The following SCN3A variants were observed in gnomAD, a reference collection of about 807,000 sequenced individuals.
SCN3A encodes the protein sodium voltage-gated channel alpha subunit 3.
A neutral mutation model predicts 187.6 loss-of-function variants in SCN3A; 60 were observed. The observed-to-expected ratio is 0.32, with a 90% CI of 0.26 to 0.40. The LOEUF (loss-of-function observed/expected upper bound fraction) is 0.40. SCN3A is among the 10% of genes least tolerant of loss of function. The probability of loss-of-function intolerance (pLI) is 1.00; values close to 1 mark genes in which losing one functional copy is unlikely to be tolerated. For synonymous variants in SCN3A, 788 were observed against 829.2 expected (o/e 0.95, Z 0.85); for missense variants, 1,601 against 2,428.2 (o/e 0.66, Z 7.16).
chr2:165,134,049 C>G (rs1259295757), intron 15 of SCN3A, among the ~76,000 whole-genome samples: 2 of 151,808 alleles, frequency 1.3e-5, no homozygotes, highest in Non-Finnish European at 2.9e-5. Flanking sequence ...GGATGTATGC[C>G]TCAGAATTAA....
Position 165,159,535 on chromosome 2 carries a change from T to G in SCN3A, c.1031+2773A>C, listed in dbSNP as rs1406133316. ...CCATGCCTGGCTAATTTTTTTATTTTTATTTTTTGGAGAAACAGTGTCTCC... is the reference window on the plus strand; with the variant it reads ...CCATGCCTGGCTAATTTTTTTATTTGTATTTTTTGGAGAAACAGTGTCTCC... On this transcript the variant is annotated intron_variant, in intron 9 of 27. Coordinates refer to ENST00000283254, the MANE Select transcript of SCN3A (RefSeq NM_006922.4). Among the ~76,000 whole-genome samples, 2 of 135,798 alleles carry G rather than the reference T, an allele frequency of 1.5e-5. 1 individual carries two copies. Among genetic ancestry groups the G allele is most frequent in the Non-Finnish European group, 3.0e-5 (2 of 66,336 alleles). 89.1% of individuals were successfully genotyped at this position (135,798 alleles called of 152,430 possible).
chr2:165,142,635 TC>T (rs1471307542), intron 12 of SCN3A, among the ~76,000 whole-genome samples: 4 of 152,132 alleles, frequency 2.6e-5, no homozygotes, highest in African/African-American at 9.7e-5. Context: ...CATCAATTCA[TC>T]CCCCCATTAA....
At position 165,168,599 on chromosome 2, in the gene SCN3A, C is replaced by CT; in HGVS notation, c.473+136_473+137insA. The CT allele has an allele frequency of 5.6e-6, 4 of 708,690 alleles. No homozygotes were observed. In the Admixed American group the frequency reaches 8.3e-5, roughly 15 times the overall value. The allele number at this position is 708,690 out of a possible 1,614,324, so 43.9% of individuals were successfully genotyped here. A position where few individuals can be genotyped will look rare whatever the true frequency, so the allele number is the denominator to read the frequency against. Reference sequence around the variant, plus strand: ...GAAGAATAGCTCCCCCAAAGAACTTCCCTTATCTTCTTTCATATTATGAAA... The same window carrying CT: ...GAAGAATAGCTCCCCCAAAGAACTTCTCCTTATCTTCTTTCATATTATGAAA... On this transcript the variant is annotated intron_variant, in intron 5 of 27. Transcript: ENST00000283254.
At chr2:165,154,423 GA>G (rs1688889845) in intron 11 of SCN3A, 28 bp downstream of exon 11, 1 of 1,605,374 alleles carries the variant, frequency 6.2e-7, no homozygotes, top group Non-Finnish European at 8.5e-7. Flanking sequence ...TAATAATAAT[GA>G]TAAATCTTTG....
intron 10 of SCN3A, 54 bp from the exon 11 acceptor site, chr2:165,154,712 A>C (rs541196446): frequency 6.7e-7 from 1 of 1,488,988 alleles, no homozygotes; most frequent in East Asian, 2.3e-5. Context: ...GTCCCCAAAT[A>C]AATATCTGAT....
intron 2 of SCN3A, among the ~76,000 whole-genome samples, chr2:165,180,836 T>C (rs1188626328): frequency 6.6e-6 from 1 of 152,086 alleles, no homozygotes; most frequent in Admixed American, 6.6e-5. Flanking sequence ...CAGGGAGTGA[T>C]CCTAGAGCAG....
chr2:165,111,227 C>T (rs1331553663), intron 21 of SCN3A, among the ~76,000 whole-genome samples: 1 of 151,902 alleles, frequency 6.6e-6, no homozygotes, highest in African/African-American at 2.4e-5. Context: ...CCCAGCTACT[C>T]GAGAGGCTGA....
chr2:165,185,625 C>A (rs1454415909), intron 2 of SCN3A, among the ~76,000 whole-genome samples: 1 of 152,174 alleles, frequency 6.6e-6, no homozygotes. Context: ...GACATATTTA[C>A]CCCTGGGCCT....
At chr2:165,162,220 T>C in intron 9 of SCN3A, 88 bp downstream of exon 9, 3 of 1,194,382 alleles carry the variant, frequency 2.5e-6, no homozygotes, top group Non-Finnish European at 3.7e-6. Context: ...ATGGTAAGGC[T>C]ACACATATAA....
intron 18 of SCN3A, 53 bp downstream of exon 18, chr2:165,127,578 G>T: frequency 7.4e-7 from 1 of 1,346,646 alleles, no homozygotes; most frequent in Non-Finnish European, 1.1e-6. Context: ...GTAAATAACT[G>T]TAGTACATGG....
Position 165,090,342 on chromosome 2 carries a change from G to T in SCN3A, c.5811C>A (p.Asp1937Glu). 1 of 1,613,182 alleles carries T rather than the reference G, an allele frequency of 6.2e-7. No individual in the cohort carries two copies. The highest frequency in any genetic ancestry group is 8.5e-7 in the Non-Finnish European group (1 of 1,179,278). ...YNKEAIKGRI[D>E]LPIKQDMIID... ...TAATCATGTCTTGTTTTATAGGTAA[G>T]TCAATCCTCCCTTTAATTGCCTCTT... The change falls in exon 28 of 28, where the codon GAC (aspartate) becomes GAA (glutamate). Residue 1937 changes from aspartate (D) to glutamate (E), a missense_variant. This residue lies in a region of SCN3A where 87 missense variants were observed against 89.2 expected (regional missense o/e 0.98). Coordinates refer to ENST00000283254, the MANE Select transcript of SCN3A (RefSeq NM_006922.4). The surrounding 1 kb of genome is among the most constrained non-coding windows in gnomAD (Gnocchi z 4.0).
Position 165,140,070 on chromosome 2 carries a change from A to AT in SCN3A, c.2020-463dup, listed in dbSNP as rs1303956014. Among the ~76,000 whole-genome samples, 3 of 152,032 alleles carry AT rather than the reference A, an allele frequency of 2.0e-5. No individual in the cohort carries two copies. Among genetic ancestry groups the AT allele is most frequent in the Non-Finnish European group, 4.4e-5 (3 of 68,004 alleles). On this transcript the variant is annotated intron_variant, in intron 13 of 27. Coordinates refer to ENST00000283254, the MANE Select transcript of SCN3A (RefSeq NM_006922.4). The surrounding 1 kb of genome is among the most constrained non-coding windows in gnomAD (Gnocchi z 4.2). ...TGACAATATTGACATATGTGGGCCA[A>AT]TTTTTTCCATGCACAAACACAGATG...
chr2:165,163,671 G>A lies in SCN3A; in HGVS notation c.641C>T (p.Ala214Val), dbSNP rs753671124. The A allele has an allele frequency of 2.5e-5, 41 of 1,613,922 alleles. No individual in the cohort carries two copies. Among genetic ancestry groups the A allele is most frequent in the Non-Finnish European group, 3.3e-5 (39 of 1,179,986 alleles). ...TEFVDLGNVS[A>V]LRTFRVLRAL... ...TCGGAGAACTCTGAATGTTCTCAAC[G>A]CTGAGACATTGCCCAGGTCCACAAA... Residue 214 changes from alanine to valine, a missense_variant, in exon 7 of 28, where the codon GCG becomes GTG. By Grantham distance (64) the Ala-to-Val change is moderately conservative. Around this residue, in one of 11 missense-constraint regions of SCN3A, gnomAD observed 122 missense variants for 225.1 expected, o/e 0.54. Transcript: ENST00000283254.
Position 165,092,269 on chromosome 2 carries a change from T to A in SCN3A, c.4792A>T (p.Ile1598Phe). The A allele has an allele frequency of 6.2e-7, 1 of 1,613,992 alleles. No homozygotes were observed. Among genetic ancestry groups the A allele is most frequent in the Non-Finnish European group, 8.5e-7 (1 of 1,179,914 alleles). ...GWNIFDFVVV[I>F]LSIVGMFLAE... ...CTGTTCTTACCTACAATGGAGAGAA[T>A]CACCACCACAAAGTCAAAGATGTTC... The change falls in exon 27 of 28, where the codon ATT becomes TTT. Residue 1598 changes from isoleucine to phenylalanine, a missense_variant. Physicochemically the swap from Ile to Phe is conservative, Grantham distance 21. This residue lies in a region of SCN3A where 320 missense variants were observed against 623.2 expected (regional missense o/e 0.51). Transcript: ENST00000283254. This position sits in a 1 kb window ranked among gnomAD's most constrained non-coding sequence, Gnocchi z 4.2.
rs1559208011 is a variant in SCN3A, at chr2:165,128,007, A to G, written c.3017T>C (p.Ile1006Thr). 2 of 1,614,032 alleles carry G rather than the reference A, an allele frequency of 1.2e-6. No individual in the cohort carries two copies. The highest frequency in any genetic ancestry group is 1.7e-6 in the Non-Finnish European group (2 of 1,179,994). Residue 1006 changes from isoleucine (I) to threonine (T), a missense_variant, in exon 18 of 28, where the codon ATT (isoleucine) becomes ACT (threonine). Ile to Thr is a moderately conservative substitution (Grantham distance 89). This residue lies in a region of SCN3A where 267 missense variants were observed against 313.2 expected (regional missense o/e 0.85). Transcript: ENST00000283254. ...TCCCTTTTGCATTCTTCCTACTGCAATCTGCAGATTATTCATTTCATTGTC... is the reference window on the plus strand; with the variant it reads ...TCCCTTTTGCATTCTTCCTACTGCAGTCTGCAGATTATTCATTTCATTGTC... ...DDDNEMNNLQ[I>T]AVGRMQKGID...
At chr2:165,162,484 C>A (rs928250355) in intron 8 of SCN3A, 72 bp downstream of exon 8, 1 of 1,602,948 alleles carries the variant, frequency 6.2e-7, no homozygotes, top group Non-Finnish European at 8.5e-7. Context: ...GCTGTACACC[C>A]ACAGTCTCAA....
intron 21 of SCN3A, 80 bp from the exon 22 acceptor site, chr2:165,100,504 A>G (rs1360025068): frequency 2.8e-6 from 4 of 1,424,454 alleles, no homozygotes; most frequent in Non-Finnish European, 3.9e-6. Context: ...TATCTATTTA[A>G]TGCAGACTAA....
rs1029378639 is a variant in SCN3A, at chr2:165,203,827, T to A, written c.-252A>T. The A allele has an allele frequency of 6.7e-6, 1 of 149,762 alleles. No individual in the cohort carries two copies. The highest frequency in any genetic ancestry group is 1.5e-5 in the Non-Finnish European group (1 of 67,644). 9.3% of individuals were successfully genotyped at this position (149,762 alleles called of 1,614,324 possible). ...TGAAATGTTTTGTCAGCTTACCTGA[T>A]AAAACAGAGCCTTATGAATTACAGC... is the stretch of plus-strand genomic sequence containing the variant. On this transcript the variant is annotated 5_prime_UTR_variant, in exon 1 of 28. Transcript: ENST00000283254.
At chr2:165,186,403 G>C (rs958824989) in intron 2 of SCN3A, 148 bp downstream of exon 2, 21 of 152,114 alleles carry the variant, frequency 1.4e-4, no homozygotes, top group African/African-American at 5.1e-4. Flanking sequence ...GTATGTATTT[G>C]CCTCTTTGGA....
Sources: allele counts gnomAD v4.1 joint callset (sites outside exome capture counted in the v4.1 genomes callset), GRCh38; gene constraint gnomAD v4.1.1; regional missense constraint gnomAD v4.1.1; non-coding constraint Gnocchi (gnomAD v3.1); transcripts MANE v1.5; gene names NCBI Gene and HGNC (gene_info 2026-07-23, HGNC 2026-07-21).